Variants in SGCZ observed in about 807,000 individuals in gnomAD.
SGCZ encodes the protein zeta-sarcoglycan.
Under a neutral mutation model 41.3 loss-of-function variants are expected in SGCZ, and 40 were observed. The observed-to-expected ratio is 0.97, with a 90% CI of 0.75 to 1.26. The LOEUF is 1.26. SGCZ is among the 50% of genes most tolerant of loss of function. The pLI is 0.00. For missense variants in SGCZ, 552 were observed against 369.8 expected, an observed-to-expected ratio of 1.49 and a Z score of -4.04; for synonymous variants, 206 against 137.5, an observed-to-expected ratio of 1.50 and a Z score of -3.49.
intron 4 of SGCZ, among the ~76,000 whole-genome samples, chr8:14,202,864 C>G (rs1224623526): frequency 3.9e-5 from 6 of 152,068 alleles, no homozygotes; most frequent in Non-Finnish European, 4.4e-5. Flanking sequence ...TGTCTCCACC[C>G]AAATCTCATC....
chr8:14,166,436 G>C (rs1804212882), intron 4 of SGCZ, among the ~76,000 whole-genome samples: 1 of 152,050 alleles, frequency 6.6e-6, no homozygotes, highest in East Asian at 1.9e-4. Context: ...ATTGGGTGAT[G>C]TTCAAAAAAC....
rs549675794 is a variant in SGCZ at position 15,124,752 on chromosome 8, G to T, written c.39+112833C>A. ...AAATACTGGCAAGAAATGCCAAAGGGGGAACATAAGATCAAACAACGTGAT... is the reference window on the plus strand; with the variant it reads ...AAATACTGGCAAGAAATGCCAAAGGTGGAACATAAGATCAAACAACGTGAT... On this transcript the variant is annotated intron_variant, in intron 1 of 7. Transcript: ENST00000382080. Among the ~76,000 whole-genome samples the T allele has an allele frequency of 1.2e-3, 184 of 152,100 alleles. 1 individual carries two copies. Among genetic ancestry groups the T allele is most frequent in the African/African-American group, 3.6e-3 (151 of 41,458 alleles).
intron 3 of SGCZ, among the ~76,000 whole-genome samples, chr8:14,260,782 T>G (rs1231693777): frequency 1.3e-5 from 2 of 152,122 alleles, no homozygotes; most frequent in Non-Finnish European, 2.9e-5. Flanking sequence ...CAATGATGAG[T>G]TCATGTCCTT....
chr8:14,547,415 T>G (rs1167040175), intron 2 of SGCZ, among the ~76,000 whole-genome samples: 21 of 152,098 alleles, frequency 1.4e-4, no homozygotes, highest in Non-Finnish European at 1.5e-5. Flanking sequence ...TCTTAGAAGT[T>G]TATGTAAACG....
chr8:15,228,700 A>G (rs1056940070), intron 1 of SGCZ, among the ~76,000 whole-genome samples: 2 of 152,244 alleles, frequency 1.3e-5, no homozygotes, highest in South Asian at 2.1e-4. Flanking sequence ...CATTTAAGAC[A>G]GAATGCCTTA....
chr8:14,899,846 AGAG>A (rs1402614706), intron 1 of SGCZ, among the ~76,000 whole-genome samples: 1 of 151,764 alleles, frequency 6.6e-6, no homozygotes, highest in Non-Finnish European at 1.5e-5. Context: ...AGAGGAAGGA[AGAG>A]GAGGAAGAAG....
chr8:14,695,870 A>G (rs1379761052), intron 1 of SGCZ, among the ~76,000 whole-genome samples: 2 of 152,122 alleles, frequency 1.3e-5, no homozygotes, highest in Admixed American at 6.6e-5. Flanking sequence ...TAGATCAATA[A>G]AGAACATAGT....
At chr8:14,099,483 T>C (rs1274463563) in intron 7 of SGCZ, among the ~76,000 whole-genome samples, 1 of 152,092 alleles carries the variant, frequency 6.6e-6, no homozygotes, top group Admixed American at 6.5e-5. Flanking sequence ...TCCTTGCACT[T>C]TGGGAGGCTG....
intron 1 of SGCZ, among the ~76,000 whole-genome samples, chr8:14,765,967 CTT>C (rs59212700): frequency 7.3e-4 from 103 of 141,520 alleles, no homozygotes; most frequent in African/African-American, 1.6e-3. Flanking sequence ...ATATGATAGT[CTT>C]TTTTTTTTTT....
intron 2 of SGCZ, among the ~76,000 whole-genome samples, chr8:14,426,644 C>A (rs143106965): frequency 6.6e-6 from 1 of 151,994 alleles, no homozygotes; most frequent in African/African-American, 2.4e-5. Context: ...TCAGCTGAAC[C>A]AAGAGCCAGA....
intron 1 of SGCZ, among the ~76,000 whole-genome samples, chr8:15,206,430 G>C (rs1801067762): frequency 6.8e-6 from 1 of 146,462 alleles, no homozygotes; most frequent in Non-Finnish European, 1.5e-5. Flanking sequence ...TAGGAAGGTA[G>C]GCTGCTTTTA....
chr8:14,698,676 C>T (rs568422397), intron 1 of SGCZ, among the ~76,000 whole-genome samples: 2 of 151,918 alleles, frequency 1.3e-5, no homozygotes, highest in East Asian at 3.9e-4. Flanking sequence ...CTAAATATAG[C>T]CAGATAAACT....
At position 14,572,751 on chromosome 8, in the gene SGCZ, A is replaced by C. The variant is rs143443955; in HGVS notation, c.40-17825T>G. Reference sequence around the variant, plus strand: ...TATCACCAACTCTCTTTTAGTAATGAACAAGCTCCAAAAATGTAACATACT... The same window carrying C: ...TATCACCAACTCTCTTTTAGTAATGCACAAGCTCCAAAAATGTAACATACT... On this transcript the variant is annotated intron_variant, in intron 1 of 7. Coordinates refer to ENST00000382080, the MANE Select transcript of SGCZ (RefSeq NM_139167.4). Among the ~76,000 whole-genome samples the C allele has an allele frequency of 3.1e-3, 448 of 143,190 alleles. 1 individual carries two copies. Among genetic ancestry groups the C allele is most frequent in the African/African-American group, 9.5e-3 (388 of 40,746 alleles). The allele number at this position is 143,190 out of a possible 152,430, so 93.9% of individuals were successfully genotyped here.
chr8:14,964,212 T>C (rs563649149), intron 1 of SGCZ, among the ~76,000 whole-genome samples: 23 of 152,258 alleles, frequency 1.5e-4, no homozygotes, highest in Admixed American at 1.3e-3. Flanking sequence ...TTCTCTCACT[T>C]AGCCCTATTT....
chr8:14,560,315 C>G (rs1418355098), intron 1 of SGCZ, among the ~76,000 whole-genome samples: 2 of 145,180 alleles, frequency 1.4e-5, no homozygotes, highest in African/African-American at 4.9e-5. Flanking sequence ...AATACTACAT[C>G]TACCCCAAAA....
intron 1 of SGCZ, among the ~76,000 whole-genome samples, chr8:14,718,948 A>G (rs73529234): frequency 0.29 from 41,550 of 143,370 alleles, 6,656 homozygotes; most frequent in East Asian, 0.39. Context: ...GCTGTGCTGC[A>G]CCCATTAACT....
At chr8:15,019,810 G>A (rs1410355948) in intron 1 of SGCZ, among the ~76,000 whole-genome samples, 2 of 149,630 alleles carry the variant, frequency 1.3e-5, no homozygotes, top group African/African-American at 2.5e-5. Flanking sequence ...GAGAAATACT[G>A]GGAAAGCAGC....
chr8:14,841,554 T>A (rs1802916079), intron 1 of SGCZ, among the ~76,000 whole-genome samples: 1 of 152,130 alleles, frequency 6.6e-6, no homozygotes, highest in Admixed American at 6.5e-5. Flanking sequence ...AAATAGTAGG[T>A]TTCCATAAGA....
Position 14,548,801 on chromosome 8 carries a change from A to G in SGCZ, c.234+5931T>C, listed in dbSNP as rs79702065. Among the ~76,000 whole-genome samples, 905 of 152,270 alleles carry G rather than the reference A, an allele frequency of 5.9e-3. 5 individuals are homozygous for G. The highest frequency in any genetic ancestry group is 0.01 in the Non-Finnish European group (683 of 68,016). On this transcript the variant is annotated intron_variant, in intron 2 of 7. Transcript: ENST00000382080. ...TCAGAAAAATCAGAATATCCTGCAT[A>G]TGAGACCAAATTGGGTCAACAATTT...
Sources: allele counts gnomAD v4.1 joint callset (sites outside exome capture counted in the v4.1 genomes callset), GRCh38; gene constraint gnomAD v4.1.1; transcripts MANE v1.5; gene names NCBI Gene and HGNC (gene_info 2026-07-23, HGNC 2026-07-21).